The following GNA14 variants were observed in gnomAD, a reference collection of about 807,000 sequenced individuals.
GNA14 encodes the protein guanine nucleotide-binding protein subunit alpha-14.
In GNA14, 50 loss-of-function variants were observed where a neutral mutation model predicts 42.0. The observed-to-expected ratio is 1.19, with a 90% CI of 0.95 to 1.51. The LOEUF (loss-of-function observed/expected upper bound fraction) is 1.51. Among genes scored for constraint, GNA14 ranks in the 40% most tolerant of loss-of-function variants. GNA14 has a pLI of 0.00. For synonymous variants in GNA14, 173 were observed against 163.1 expected (o/e 1.06, Z -0.46); for missense variants, 473 against 446.2 (o/e 1.06, Z -0.54).
chr9:77,604,685 G>GATCA (rs1459535832), intron 1 of GNA14, among the ~76,000 whole-genome samples: 1 of 152,216 alleles, frequency 6.6e-6, no homozygotes, highest in Non-Finnish European at 1.5e-5. Flanking sequence ...AGAGGCCTGA[G>GATCA]ATCAAGTCAT....
intron 1 of GNA14, among the ~76,000 whole-genome samples, chr9:77,565,484 G>C (rs1173448796): frequency 6.6e-6 from 1 of 152,054 alleles, no homozygotes; most frequent in Non-Finnish European, 1.5e-5. Flanking sequence ...TTGAGACAGA[G>C]TCTCACTCTG....
chr9:77,537,600 G>C (rs781621172), intron 1 of GNA14, among the ~76,000 whole-genome samples: 2 of 152,156 alleles, frequency 1.3e-5, no homozygotes, highest in Admixed American at 1.3e-4. Flanking sequence ...TTAATACCTA[G>C]TAGTAGATTG....
intron 1 of GNA14, among the ~76,000 whole-genome samples, chr9:77,646,445 C>A (rs1035226874): frequency 6.6e-6 from 1 of 151,894 alleles, no homozygotes; most frequent in African/African-American, 2.4e-5. Context: ...CACCCCCCCC[C>A]AACCCCCAGA....
At chr9:77,618,271 T>C (rs1188815284) in intron 1 of GNA14, among the ~76,000 whole-genome samples, 2 of 152,086 alleles carry the variant, frequency 1.3e-5, no homozygotes, top group Non-Finnish European at 2.9e-5. Flanking sequence ...GTTGAATTAG[T>C]ATCTTAAAAT....
At chr9:77,515,960 C>CAAAAAAAAAAAAA (rs1158448237) in intron 2 of GNA14, among the ~76,000 whole-genome samples, 2,970 of 52,618 alleles carry the variant, frequency 0.056, 545 homozygotes, top group East Asian at 0.086. Context: ...CCCTGTCTCA[C>CAAAAAAAAAAAAA]AAAAAAAAAA....
In GNA14 at chr9:77,478,712, T is replaced by C. The variant is rs866772002; in HGVS notation, c.310-44190A>G. ...CTGTTGTTTCCTGACTTTTTAATGA[T>C]TGCCATTCTAACTGGTGTGAGATGG... On this transcript the variant is annotated intron_variant, in intron 2 of 6. Coordinates refer to ENST00000341700, the MANE Select transcript of GNA14 (RefSeq NM_004297.4). Among the ~76,000 whole-genome samples the C allele has an allele frequency of 5.7e-3, 870 of 152,246 alleles. 3 individuals are homozygous for C. The highest frequency in any genetic ancestry group is 0.034 in the Middle Eastern group (10 of 294).
intron 1 of GNA14, among the ~76,000 whole-genome samples, chr9:77,621,143 A>G (rs758724950): frequency 6.6e-6 from 1 of 152,056 alleles, no homozygotes; most frequent in Non-Finnish European, 1.5e-5. Context: ...CACGTTGACC[A>G]GGCTGGTCTC....
rs761170201 is a variant in GNA14 at position 77,424,142 on chromosome 9, C to G, written c.905G>C (p.Arg302Thr). 3.1e-6 allele frequency: 5 copies of G among 1,611,440 alleles called. No homozygotes were observed. Among genetic ancestry groups the G allele is most frequent in the Non-Finnish European group, 1.7e-6 (2 of 1,178,720 alleles). ...TGPKQDVRAA[R>T]DFILKLYQDQ... The stretch of plus-strand genomic sequence containing the variant: ...TTGGTAAAGCTTCAGGATAAAGTCT[C>G]TGGCAGCTCTGACATCCTGTTTCGG... Residue 302 changes from arginine to threonine, a missense_variant, in exon 7 of 7, where the codon AGA (arginine) becomes ACA (threonine). Coordinates refer to ENST00000341700, the MANE Select transcript of GNA14 (RefSeq NM_004297.4).
intron 1 of GNA14, among the ~76,000 whole-genome samples, chr9:77,530,536 T>C (rs916706391): frequency 3.3e-5 from 5 of 152,226 alleles, no homozygotes; most frequent in Admixed American, 1.3e-4. Context: ...ACAATTATCA[T>C]CTTCATTTTA....
chr9:77,463,993 TTTG>T (rs534313721), intron 2 of GNA14, among the ~76,000 whole-genome samples: 14 of 152,152 alleles, frequency 9.2e-5, no homozygotes, highest in African/African-American at 2.7e-4. Flanking sequence ...CTGGAACTGG[TTTG>T]TTGTTGTTGT....
chr9:77,454,342 A>G (rs1835963633), intron 2 of GNA14, among the ~76,000 whole-genome samples: 1 of 152,182 alleles, frequency 6.6e-6, no homozygotes, highest in Admixed American at 6.5e-5. Flanking sequence ...TGGGTGGCCC[A>G]TTATCCATTC....
chr9:77,571,069 G>A (rs574969382), intron 1 of GNA14, among the ~76,000 whole-genome samples: 1 of 149,690 alleles, frequency 6.7e-6, no homozygotes, highest in East Asian at 1.9e-4. Context: ...TCAAAAAATG[G>A]GCTAGAATTG....
chr9:77,641,574 T>TA (rs145926065), intron 1 of GNA14, among the ~76,000 whole-genome samples: 11,794 of 149,876 alleles, frequency 0.079, 605 homozygotes, highest in Middle Eastern at 0.13. Context: ...AACCGTCTGT[T>TA]AAAAAAAAAG....
chr9:77,455,313 T>G (rs1392537078), intron 2 of GNA14, among the ~76,000 whole-genome samples: 1 of 152,214 alleles, frequency 6.6e-6, no homozygotes, highest in African/African-American at 2.4e-5. Context: ...CCTTGAACTC[T>G]AGATCTTCTT....
intron 1 of GNA14, among the ~76,000 whole-genome samples, chr9:77,592,590 A>G (rs905239696): frequency 2.0e-5 from 3 of 152,134 alleles, no homozygotes; most frequent in African/African-American, 7.2e-5. Context: ...ACCACTCCCT[A>G]TAGCACCACA....
chr9:77,525,786 C>T (rs1199384881), intron 2 of GNA14, among the ~76,000 whole-genome samples: 12 of 151,958 alleles, frequency 7.9e-5, no homozygotes, highest in Admixed American at 4.6e-4. Flanking sequence ...AATATGCCTG[C>T]CTCGGCCTCC....
At chr9:77,488,541 C>T (rs1587794131) in intron 2 of GNA14, among the ~76,000 whole-genome samples, 2 of 152,130 alleles carry the variant, frequency 1.3e-5, no homozygotes, top group Non-Finnish European at 2.9e-5. Flanking sequence ...AGCAGCATCA[C>T]TCTGTAGGAG....
At chr9:77,591,693 T>C (rs1270701202) in intron 1 of GNA14, among the ~76,000 whole-genome samples, 1 of 152,208 alleles carries the variant, frequency 6.6e-6, no homozygotes, top group African/African-American at 2.4e-5. Flanking sequence ...TCTCTTAGAT[T>C]AGTCCAGATT....
intron 2 of GNA14, among the ~76,000 whole-genome samples, chr9:77,488,663 G>A (rs1385170345): frequency 6.6e-6 from 1 of 151,514 alleles, no homozygotes; most frequent in African/African-American, 2.4e-5. Flanking sequence ...GTTTTTACTA[G>A]AATTGAGAAA....
Sources: allele counts gnomAD v4.1 joint callset (sites outside exome capture counted in the v4.1 genomes callset), GRCh38; gene constraint gnomAD v4.1.1; transcripts MANE v1.5; gene names NCBI Gene and HGNC (gene_info 2026-07-23, HGNC 2026-07-21).